Variants in SKAP2 observed in about 807,000 individuals in gnomAD.
SKAP2 encodes the protein src kinase-associated phosphoprotein 2.
Under a neutral mutation model 54.9 loss-of-function variants are expected in SKAP2, and 28 were observed. The ratio of observed to expected loss-of-function variants is 0.51; its 90% CI spans 0.38 to 0.70. The LOEUF is 0.70. Among genes scored for constraint, SKAP2 ranks in the 30% least tolerant of loss-of-function variants. The pLI is 0.00. For missense variants in SKAP2, 356 were observed against 424.1 expected, an observed-to-expected ratio of 0.84 and a Z score of 1.41; for synonymous variants, 137 against 134.3, an observed-to-expected ratio of 1.02 and a Z score of -0.14.
At position 26,710,193 on chromosome 7, in the gene SKAP2, G is replaced by C. The variant is rs1787271298; in HGVS notation, c.796+15235C>G. 2.0e-5 allele frequency among the ~76,000 whole-genome samples: 3 copies of C among 152,038 alleles called. No individual in the cohort carries two copies. The South Asian group carries it at 6.2e-4, about 32-fold the overall frequency. On this transcript the variant is annotated intron_variant, in intron 9 of 12. Transcript: ENST00000345317. ...AAGGCACTTGGTCAAGTACTCTGGG[G>C]GTGCCAGGAAATATAAGGTTTGATC... is the stretch of plus-strand genomic sequence containing the variant.
In SKAP2 at chr7:26,668,101, G is replaced by A. The variant is rs1786145157; in HGVS notation, c.*1565C>T. 6.6e-6 allele frequency: 1 copy of A among 151,628 alleles called. No homozygotes were observed. The highest frequency in any genetic ancestry group is 2.1e-4 in the South Asian group (1 of 4,808). 9.4% of individuals were successfully genotyped at this position (151,628 alleles called of 1,614,324 possible). ...ATTGGATGATCATGATATTGAGGGGGTAATGGTAAAGCAGACCCTCTCAAA... is the reference window on the plus strand; with the variant it reads ...ATTGGATGATCATGATATTGAGGGGATAATGGTAAAGCAGACCCTCTCAAA... On this transcript the variant is annotated 3_prime_UTR_variant, in exon 13 of 13. Transcript: ENST00000345317.
chr7:26,808,512 T>A (rs2127987099), intron 4 of SKAP2, among the ~76,000 whole-genome samples: 1 of 152,238 alleles, frequency 6.6e-6, no homozygotes, highest in Non-Finnish European at 1.5e-5. Flanking sequence ...AGAGTTTCCG[T>A]TTACAATGAT....
At chr7:26,737,976 C>T (rs964390849) in intron 6 of SKAP2, among the ~76,000 whole-genome samples, 6 of 152,104 alleles carry the variant, frequency 3.9e-5, no homozygotes, top group East Asian at 1.9e-4. Context: ...CTGGGTACAG[C>T]GGTGTGCACC....
chr7:26,658,188 T>C, the SKAP2 span, among the ~76,000 whole-genome samples: 115 of 152,216 alleles, frequency 7.6e-4, no homozygotes, highest in Non-Finnish European at 1.5e-3. Flanking sequence ...GCTTGTACCC[T>C]GCAGCGGGGT....
intron 7 of SKAP2, chr7:26,726,665 ATT>A (rs1584354160): frequency 5.3e-6 from 2 of 376,440 alleles, no homozygotes; most frequent in Non-Finnish European, 9.5e-6. Flanking sequence ...TAAATTATAT[ATT>A]CTCTTTATCT....
intron 6 of SKAP2, among the ~76,000 whole-genome samples, chr7:26,730,577 T>C (rs1047979866): frequency 3.3e-5 from 5 of 152,170 alleles, no homozygotes; most frequent in Admixed American, 1.3e-4. Context: ...TTCAGAATTT[T>C]TGAGGTGTTT....
At chr7:26,711,628 A>C (rs1787306738) in intron 9 of SKAP2, among the ~76,000 whole-genome samples, 1 of 152,206 alleles carries the variant, frequency 6.6e-6, no homozygotes, top group African/African-American at 2.4e-5. Flanking sequence ...CTGGAGCATA[A>C]GTCTGAGCAG....
chr7:26,833,925 TA>T (rs965485308), intron 4 of SKAP2, among the ~76,000 whole-genome samples: 33 of 152,108 alleles, frequency 2.2e-4, no homozygotes, highest in African/African-American at 7.2e-4. Context: ...GCACTTATTC[TA>T]AAATTGACCA....
At chr7:26,791,655 A>C (rs1783675309) in intron 4 of SKAP2, among the ~76,000 whole-genome samples, 1 of 152,244 alleles carries the variant, frequency 6.6e-6, no homozygotes, top group Non-Finnish European at 1.5e-5. Context: ...TAGAATTAAA[A>C]GGCAATATAG....
intron 11 of SKAP2, among the ~76,000 whole-genome samples, chr7:26,672,086 C>T (rs1786256114): frequency 6.6e-6 from 1 of 151,918 alleles, no homozygotes; most frequent in South Asian, 2.1e-4. Flanking sequence ...GCCCCCTGCT[C>T]CCCAGTGACA....
intron 1 of SKAP2, among the ~76,000 whole-genome samples, chr7:26,855,648 A>G (rs1785146625): frequency 6.6e-6 from 1 of 152,038 alleles, no homozygotes; most frequent in Admixed American, 6.6e-5. Context: ...ACATTCCCTC[A>G]TAGCCTCTTT....
intron 9 of SKAP2, among the ~76,000 whole-genome samples, chr7:26,705,773 C>A (rs1294609362): frequency 4.6e-5 from 7 of 152,174 alleles, no homozygotes; most frequent in African/African-American, 1.7e-4. Flanking sequence ...GTGGATTCAA[C>A]AATGTTTAAA....
At chr7:26,680,423 A>G (rs1786466547) in intron 11 of SKAP2, among the ~76,000 whole-genome samples, 1 of 152,178 alleles carries the variant, frequency 6.6e-6, no homozygotes, top group Non-Finnish European at 1.5e-5. Flanking sequence ...AACTAACAAA[A>G]ATATTTAGCA....
In SKAP2 at chr7:26,744,438, T is replaced by G. The variant is rs1782517179; in HGVS notation, c.308-4474A>C. Among the ~76,000 whole-genome samples, 3 of 151,840 alleles carry G rather than the reference T, an allele frequency of 2.0e-5. No homozygotes were observed. In the South Asian group the frequency reaches 6.2e-4, roughly 31 times the overall value. ...GGACAAAGAAAAGTAGAAAAATGTG[T>G]CTAGATCACAGAAGCTTCACTCAGA... On this transcript the variant is annotated intron_variant, in intron 4 of 12. Coordinates refer to ENST00000345317, the MANE Select transcript of SKAP2 (RefSeq NM_003930.5).
Position 26,806,020 on chromosome 7 carries a change from G to A in SKAP2, c.307+38010C>T, listed in dbSNP as rs761061574. Among the ~76,000 whole-genome samples the A allele has an allele frequency of 7.2e-5, 11 of 151,796 alleles. No homozygotes were observed. The East Asian group carries it at 1.2e-3, about 16-fold the overall frequency. ...TTTTCATTATTATTATATCTGTTAC[G>A]GTGATCTATAGTTACCATTGTAATT... is the stretch of plus-strand genomic sequence containing the variant. On this transcript the variant is annotated intron_variant, in intron 4 of 12. Transcript: ENST00000345317.
intron 4 of SKAP2, among the ~76,000 whole-genome samples, chr7:26,785,273 A>G (rs1052783438): frequency 1.3e-4 from 20 of 151,682 alleles, no homozygotes; most frequent in Non-Finnish European, 2.4e-4. Flanking sequence ...TGCAAGCTCC[A>G]CCTCCTGGGT....
intron 4 of SKAP2, among the ~76,000 whole-genome samples, chr7:26,830,821 T>C (rs1039480036): frequency 2.6e-5 from 4 of 152,176 alleles, no homozygotes; most frequent in African/African-American, 9.7e-5. Flanking sequence ...GTACCTTCTC[T>C]GTGTTTAATT....
intron 4 of SKAP2, among the ~76,000 whole-genome samples, chr7:26,794,143 T>C (rs552963728): frequency 5.3e-5 from 8 of 152,218 alleles, no homozygotes; most frequent in Non-Finnish European, 1.0e-4. Context: ...AAATAGTGTA[T>C]CTTCTTTTAT....
At chr7:26,657,385 C>A in the SKAP2 span, among the ~76,000 whole-genome samples, 2 of 152,130 alleles carry the variant, frequency 1.3e-5, no homozygotes, top group Non-Finnish European at 2.9e-5. Flanking sequence ...CTTCCTGCTT[C>A]CCATCAAAAT....
Sources: gnomAD v4.1 joint callset for allele counts (sites outside exome capture counted in the v4.1 genomes callset) on GRCh38, gnomAD v4.1.1 for gene constraint, MANE v1.5 for transcripts, NCBI Gene and HGNC (gene_info 2026-07-23, HGNC 2026-07-21) for gene names.